Variants in GPR39 observed in about 807,000 individuals in gnomAD.
The protein encoded by GPR39 is G protein-coupled receptor 39.
Under a neutral mutation model 18.4 loss-of-function variants are expected in GPR39, and 23 were observed. The ratio of observed to expected loss-of-function variants is 1.25; its 90% CI spans 0.90 to 1.77. The LOEUF (loss-of-function observed/expected upper bound fraction) is 1.77, where lower values mean the gene tolerates loss of function less well. Ranked by LOEUF, GPR39 falls within the 40% of genes most tolerant of loss-of-function variation. The pLI is 0.00. For missense variants in GPR39, 647 were observed against 602.4 expected (o/e 1.07, Z -0.78); for synonymous variants, 280 against 257.9 (o/e 1.09, Z -0.82).
chr2:132,468,374 G>C (rs993135681), intron 1 of GPR39, among the ~76,000 whole-genome samples: 3 of 152,190 alleles, frequency 2.0e-5, no homozygotes, highest in Non-Finnish European at 4.4e-5. Context: ...TTGTGGAGGG[G>C]ATAGGACTGG....
At chr2:132,437,592 A>G (rs946005173) in intron 1 of GPR39, among the ~76,000 whole-genome samples, 1 of 152,178 alleles carries the variant, frequency 6.6e-6, no homozygotes, top group Non-Finnish European at 1.5e-5. Flanking sequence ...ACTTTGTGTC[A>G]TAATAGTCTT....
At chr2:132,418,046 G>T in intron 1 of GPR39, 148 bp downstream of exon 1, 1 of 968,154 alleles carries the variant, frequency 1.0e-6, no homozygotes, top group Non-Finnish European at 1.5e-6. Flanking sequence ...GTAGCAGTAT[G>T]AGGGCATTGC....
chr2:132,644,950 T>TGTCA (rs1474120493), intron 1 of GPR39, 151 bp from the exon 2 acceptor site: 1 of 813,862 alleles, frequency 1.2e-6, no homozygotes, highest in African/African-American at 1.7e-5. Context: ...CAAAAGAAGC[T>TGTCA]GTCAAGTCCA....
At chr2:132,574,679 G>T (rs1283825534) in intron 1 of GPR39, among the ~76,000 whole-genome samples, 2 of 152,164 alleles carry the variant, frequency 1.3e-5, no homozygotes, top group Admixed American at 1.3e-4. Flanking sequence ...AGGTTGCAGC[G>T]AGCCAAGATC....
At chr2:132,565,466 T>C (rs1432799600) in intron 1 of GPR39, among the ~76,000 whole-genome samples, 7 of 150,946 alleles carry the variant, frequency 4.6e-5, no homozygotes, top group Non-Finnish European at 1.0e-4. Context: ...TAGTTACATA[T>C]GTATACATGT....
At chr2:132,552,911 T>TATATATATACACACAC (rs1420474639) in intron 1 of GPR39, among the ~76,000 whole-genome samples, 1 of 71,294 alleles carries the variant, frequency 1.4e-5, no homozygotes, top group African/African-American at 9.1e-5. Context: ...TACACACACA[T>TATATATATACACACAC]ATATATACAC....
At chr2:132,518,594 C>G (rs1679373163) in intron 1 of GPR39, among the ~76,000 whole-genome samples, 1 of 152,130 alleles carries the variant, frequency 6.6e-6, no homozygotes, top group Non-Finnish European at 1.5e-5. Context: ...TGGGCTTCCT[C>G]TGTTAACTGA....
intron 1 of GPR39, among the ~76,000 whole-genome samples, chr2:132,576,516 G>A (rs1330697111): frequency 6.6e-6 from 1 of 151,992 alleles, no homozygotes; most frequent in Non-Finnish European, 1.5e-5. Flanking sequence ...AGCCAGCCAT[G>A]GTGGTGTGCA....
chr2:132,509,239 G>T (rs1192830013), intron 1 of GPR39, among the ~76,000 whole-genome samples: 2 of 152,124 alleles, frequency 1.3e-5, no homozygotes, highest in Non-Finnish European at 1.5e-5. Flanking sequence ...AATGTATGTT[G>T]CCTGGGTTTT....
rs141116224 is a variant in GPR39, at chr2:132,423,380, C to T, written c.856+5482C>T. 8.5e-5 allele frequency among the ~76,000 whole-genome samples: 13 copies of T among 152,236 alleles called. No individual in the cohort carries two copies. The East Asian group carries it at 1.7e-3, about 20-fold the overall frequency. ...CCCACCCTTACAACTTTATTTTACC[C>T]GAATTACCTCCCAAAGGCCCAATCT... is the stretch of plus-strand genomic sequence containing the variant. On this transcript the variant is annotated intron_variant, in intron 1 of 1. Coordinates refer to ENST00000329321, the MANE Select transcript of GPR39 (RefSeq NM_001508.3).
At chr2:132,487,277 T>C (rs1259315859) in intron 1 of GPR39, among the ~76,000 whole-genome samples, 2 of 152,236 alleles carry the variant, frequency 1.3e-5, no homozygotes, top group African/African-American at 4.8e-5. Flanking sequence ...TTGGTTATTC[T>C]TACTGTATTT....
rs564605889 is a variant in GPR39 at position 132,541,606 on chromosome 2, G to A, written c.857-103495G>A. Among the ~76,000 whole-genome samples, 12 of 152,318 alleles carry A rather than the reference G, an allele frequency of 7.9e-5. No individual in the cohort carries two copies. In the South Asian group the frequency reaches 2.5e-3, roughly 32 times the overall value. The stretch of plus-strand genomic sequence containing the variant: ...TGTGGACTGAAAACCCAGGAAGCAG[G>A]GGAAAGAGAAGTGTGTGTAACCCAC... On this transcript the variant is annotated intron_variant, in intron 1 of 1. Transcript: ENST00000329321.
At chr2:132,582,896 G>A (rs1388078817) in intron 1 of GPR39, among the ~76,000 whole-genome samples, 2 of 147,442 alleles carry the variant, frequency 1.4e-5, no homozygotes, top group African/African-American at 2.5e-5. Context: ...TGAATAGAGA[G>A]AATTAGATTT....
intron 1 of GPR39, among the ~76,000 whole-genome samples, chr2:132,457,750 A>G (rs897508934): frequency 2.0e-5 from 3 of 152,256 alleles, no homozygotes; most frequent in Non-Finnish European, 4.4e-5. Flanking sequence ...GGTGGAGTCT[A>G]GAGGCAGTAG....
At chr2:132,516,541 A>G (rs1280176709) in intron 1 of GPR39, among the ~76,000 whole-genome samples, 2 of 152,244 alleles carry the variant, frequency 1.3e-5, no homozygotes, top group African/African-American at 4.8e-5. Flanking sequence ...CAAAGAACAT[A>G]CAATGTCAGT....
At chr2:132,546,326 A>G (rs1156899027) in intron 1 of GPR39, among the ~76,000 whole-genome samples, 2 of 152,208 alleles carry the variant, frequency 1.3e-5, no homozygotes, top group Non-Finnish European at 2.9e-5. Flanking sequence ...GTTTATAACA[A>G]GAGGCCCCAC....
intron 1 of GPR39, among the ~76,000 whole-genome samples, chr2:132,519,542 C>T (rs1573643108): frequency 6.6e-6 from 1 of 152,182 alleles, no homozygotes; most frequent in South Asian, 2.1e-4. Context: ...TGCAAGGACT[C>T]ACTGAACTTG....
At position 132,645,266 on chromosome 2, in the gene GPR39, C is replaced by G; in HGVS notation, c.1022C>G (p.Pro341Arg). ...TTCTACCTCAGCTCGGTCATCAACC[C>G]GCTCCTGTACACGGTGTCCTCGCAG... ...TFFYLSSVIN[P>R]LLYTVSSQQF... Residue 341 changes from proline (P) to arginine (R), a missense_variant, in exon 2 of 2, where the codon CCG becomes CGG. Coordinates refer to ENST00000329321, the MANE Select transcript of GPR39 (RefSeq NM_001508.3). 6.2e-7 allele frequency: 1 copy of G among 1,614,192 alleles called. No individual in the cohort carries two copies.
intron 1 of GPR39, among the ~76,000 whole-genome samples, chr2:132,474,548 T>A (rs60431195): frequency 0.019 from 2,914 of 152,346 alleles, 96 homozygotes; most frequent in African/African-American, 0.067. Flanking sequence ...GCTCACCAGC[T>A]TGTGCATGCA....
Sources: gnomAD v4.1 joint callset for allele counts (sites outside exome capture counted in the v4.1 genomes callset) on GRCh38, gnomAD v4.1.1 for gene constraint, MANE v1.5 for transcripts, NCBI Gene and HGNC (gene_info 2026-07-23, HGNC 2026-07-21) for gene names.